The following ERCC6L2 variants were observed in gnomAD, a reference collection of about 807,000 sequenced individuals.
ERCC6L2 encodes the protein ERCC excision repair 6 like 2.
A neutral mutation model predicts 132.0 loss-of-function variants in ERCC6L2; 77 were observed. The ratio of observed to expected loss-of-function variants is 0.58; its 90% CI spans 0.49 to 0.71. ERCC6L2 has a LOEUF of 0.71. ERCC6L2 is among the 30% of genes least tolerant of loss of function. The pLI, the probability that ERCC6L2 is intolerant of heterozygous loss-of-function variation, is 0.00. For missense variants in ERCC6L2, 1,542 were observed against 1,837.6 expected, an observed-to-expected ratio of 0.84 and a Z score of 2.94; for synonymous variants, 583 against 632.4, an observed-to-expected ratio of 0.92 and a Z score of 1.17.
At chr9:95,973,693 G>T (rs546719753) in intron 16 of ERCC6L2, among the ~76,000 whole-genome samples, 2 of 152,242 alleles carry the variant, frequency 1.3e-5, no homozygotes, top group Non-Finnish European at 2.9e-5. Context: ...CCTCCCACCA[G>T]GTCCCTCCCA....
At chr9:95,970,000 G>A (rs1490636704) in intron 14 of ERCC6L2, among the ~76,000 whole-genome samples, 1 of 152,112 alleles carries the variant, frequency 6.6e-6, no homozygotes, top group African/African-American at 2.4e-5. Context: ...AAGCTTTAAA[G>A]TCCAAATACT....
intron 11 of ERCC6L2, among the ~76,000 whole-genome samples, chr9:95,936,943 G>C (rs1830581823): frequency 6.6e-6 from 1 of 152,134 alleles, no homozygotes; most frequent in African/African-American, 2.4e-5. Context: ...TCCAGTTGTT[G>C]TATGTATCAA....
At chr9:95,935,740 A>G (rs1467601504) in intron 11 of ERCC6L2, among the ~76,000 whole-genome samples, 2 of 152,174 alleles carry the variant, frequency 1.3e-5, no homozygotes, top group African/African-American at 4.8e-5. Flanking sequence ...TACCAGCTGC[A>G]GAGACGGTAG....
chr9:96,023,752 A>C (rs1222635379), intron 19 of ERCC6L2, among the ~76,000 whole-genome samples: 1 of 152,180 alleles, frequency 6.6e-6, no homozygotes, highest in East Asian at 1.9e-4. Flanking sequence ...AGAGACTTAA[A>C]GGTTTTCCTG....
chr9:95,989,831 A>T (rs1833230038), intron 17 of ERCC6L2, among the ~76,000 whole-genome samples: 1 of 152,254 alleles, frequency 6.6e-6, no homozygotes, highest in South Asian at 2.1e-4. Context: ...ATGAGAAATC[A>T]ACATAATAAT....
At chr9:95,984,060 A>C (rs573419393) in intron 17 of ERCC6L2, among the ~76,000 whole-genome samples, 93 of 149,808 alleles carry the variant, frequency 6.2e-4, no homozygotes, top group Middle Eastern at 3.2e-3. Flanking sequence ...ACATGGGTTG[A>C]ATGTATCCTT....
intron 17 of ERCC6L2, among the ~76,000 whole-genome samples, chr9:95,997,383 C>T (rs1227943870): frequency 5.9e-5 from 9 of 152,066 alleles, no homozygotes; most frequent in Non-Finnish European, 1.0e-4. Flanking sequence ...TGGGACTGAA[C>T]TGCTGCAATC....
At chr9:95,965,644 T>A (rs887337992) in intron 13 of ERCC6L2, among the ~76,000 whole-genome samples, 1 of 152,106 alleles carries the variant, frequency 6.6e-6, no homozygotes, top group Non-Finnish European at 1.5e-5. Context: ...TAGCTGGGAT[T>A]ACAGGCACCC....
intron 13 of ERCC6L2, among the ~76,000 whole-genome samples, chr9:95,958,121 T>C (rs1350828897): frequency 1.4e-5 from 2 of 147,510 alleles, no homozygotes; most frequent in Non-Finnish European, 3.0e-5. Flanking sequence ...AGTGAGAACA[T>C]GCAGTGTTTG....
At chr9:95,895,438 A>G (rs976599177) in intron 2 of ERCC6L2, among the ~76,000 whole-genome samples, 9 of 152,132 alleles carry the variant, frequency 5.9e-5, no homozygotes, top group Admixed American at 2.6e-4. Flanking sequence ...ATTTGGATTT[A>G]AACTTAGTAT....
At chr9:95,905,627 C>T (rs1030271069) in intron 3 of ERCC6L2, among the ~76,000 whole-genome samples, 1 of 152,142 alleles carries the variant, frequency 6.6e-6, no homozygotes, top group Non-Finnish European at 1.5e-5. Context: ...TTAACCTTCA[C>T]CCAAAGGACG....
chr9:95,877,951 A>G (rs1827375742), intron 1 of ERCC6L2, among the ~76,000 whole-genome samples: 1 of 152,256 alleles, frequency 6.6e-6, no homozygotes, highest in Non-Finnish European at 1.5e-5. Flanking sequence ...TGGAAGGAAA[A>G]GACAAAAAAC....
rs189560381 is a variant in ERCC6L2, at chr9:95,898,552, G to A, written c.594+581G>A. Among the ~76,000 whole-genome samples, 26 of 152,046 alleles carry A rather than the reference G, an allele frequency of 1.7e-4. No homozygotes were observed. The East Asian group carries it at 3.7e-3, about 21-fold the overall frequency. On this transcript the variant is annotated intron_variant, in intron 3 of 18. Coordinates refer to ENST00000653738, the MANE Select transcript of ERCC6L2 (RefSeq NM_020207.7). Reference sequence around the variant, plus strand: ...TCAGTTTTCTTCTTCATAAACGTATGTTTATAAATACGTTATATATGATTC... The same window carrying A: ...TCAGTTTTCTTCTTCATAAACGTATATTTATAAATACGTTATATATGATTC...
At chr9:95,880,061 G>A (rs894993621) in intron 1 of ERCC6L2, among the ~76,000 whole-genome samples, 1 of 152,100 alleles carries the variant, frequency 6.6e-6, no homozygotes, top group Non-Finnish European at 1.5e-5. Context: ...ATAGCTGTAT[G>A]GTTAGTCACA....
At chr9:95,961,473 A>G (rs1276996579) in intron 13 of ERCC6L2, among the ~76,000 whole-genome samples, 1 of 152,202 alleles carries the variant, frequency 6.6e-6, no homozygotes, top group Non-Finnish European at 1.5e-5. Flanking sequence ...ATTTAGCTGC[A>G]CAACTATGAG....
intron 17 of ERCC6L2, among the ~76,000 whole-genome samples, chr9:95,990,427 G>C (rs1049360132): frequency 6.6e-6 from 1 of 152,078 alleles, no homozygotes; most frequent in Non-Finnish European, 1.5e-5. Flanking sequence ...AAGACTCGGA[G>C]GGGGGGTCCA....
At chr9:95,897,677 AAC>A (rs994179643) in intron 2 of ERCC6L2, among the ~76,000 whole-genome samples, 170 bp from the exon 3 acceptor site, 5 of 152,146 alleles carry the variant, frequency 3.3e-5, no homozygotes, top group African/African-American at 1.2e-4. Flanking sequence ...AAGAGTGAAA[AAC>A]AGTTTGTTAT....
At chr9:95,896,434 T>TG (rs1252908507) in intron 2 of ERCC6L2, among the ~76,000 whole-genome samples, 22 of 148,232 alleles carry the variant, frequency 1.5e-4, no homozygotes, top group African/African-American at 5.4e-4. Flanking sequence ...TTTTTTTTTT[T>TG]ATTTTGAGAC....
chr9:95,894,207 AAAC>A (rs1828320384), intron 2 of ERCC6L2, among the ~76,000 whole-genome samples: 2 of 138,540 alleles, frequency 1.4e-5, no homozygotes, highest in East Asian at 2.3e-4. Context: ...TAAAAGTGAA[AAAC>A]AATGATTGTA....
Sources: allele counts gnomAD v4.1 joint callset (sites outside exome capture counted in the v4.1 genomes callset), GRCh38; gene constraint gnomAD v4.1.1; transcripts MANE v1.5; gene names NCBI Gene and HGNC (gene_info 2026-07-23, HGNC 2026-07-21).